Variants in SH3D19 observed in about 807,000 individuals in gnomAD.
SH3D19 encodes the protein SH3 domain containing 19.
A neutral mutation model predicts 112.1 loss-of-function variants in SH3D19; 58 were observed. The ratio of observed to expected loss-of-function variants is 0.52; its 90% CI spans 0.42 to 0.64. The LOEUF (loss-of-function observed/expected upper bound fraction) is 0.64, where lower values mean the gene tolerates loss of function less well. Among genes scored for constraint, SH3D19 ranks in the 30% least tolerant of loss-of-function variants. The pLI, the probability that SH3D19 is intolerant of heterozygous loss-of-function variation, is 0.00. For synonymous variants in SH3D19, 391 were observed against 448.5 expected, an observed-to-expected ratio of 0.87 and a Z score of 1.62; for missense variants, 1,090 against 1,263.4, an observed-to-expected ratio of 0.86 and a Z score of 2.08.
At position 151,176,681 on chromosome 4, in the gene SH3D19, G is replaced by A; in HGVS notation, c.382C>T (p.Pro128Ser). 8.1e-7 allele frequency: 1 copy of A among 1,231,992 alleles called. No individual in the cohort carries two copies. The highest frequency in any genetic ancestry group is 1.0e-6 in the Non-Finnish European group (1 of 987,838). The allele number at this position is 1,231,992 out of a possible 1,614,324, so 76.3% of individuals were successfully genotyped here. Residue 128 changes from proline to serine, a missense_variant, in exon 6 of 20, where the codon CCA (proline) becomes TCA (serine). Transcript: ENST00000604030. ...TCTTTTATAACTTGTTCATAAGATGGTGGGAGCTGAAAAGTAAAGAATGAA... is the reference window on the plus strand; with the variant it reads ...TCTTTTATAACTTGTTCATAAGATGATGGGAGCTGAAAAGTAAAGAATGAA... ...PNELVPAELP[P>S]SYEQVIKEIN...
At position 151,121,613 on chromosome 4, in the gene SH3D19, A is replaced by T. The variant is rs554479615; in HGVS notation, c.*478T>A. 3.9e-5 allele frequency: 6 copies of T among 152,580 alleles called. No homozygotes were observed. The highest frequency in any genetic ancestry group is 1.4e-4 in the African/African-American group (6 of 41,594). The allele number at this position is 152,580 out of a possible 1,614,324, so 9.5% of individuals were successfully genotyped here. On this transcript the variant is annotated 3_prime_UTR_variant, in exon 20 of 20. Transcript: ENST00000604030. The stretch of plus-strand genomic sequence containing the variant: ...AGGATTTGCTCTGGTAATAAGGCTG[A>T]TATGCTCAAGCTGTAAGAATTAATT...
intron 1 of SH3D19, among the ~76,000 whole-genome samples, chr4:151,302,550 T>C (rs893141601): frequency 6.6e-6 from 1 of 152,162 alleles, no homozygotes; most frequent in Admixed American, 6.5e-5. Context: ...AAGAGTGAGA[T>C]AGTAAGTATT....
intron 2 of SH3D19, among the ~76,000 whole-genome samples, chr4:151,197,157 G>A (rs1763595587): frequency 6.6e-6 from 1 of 151,906 alleles, no homozygotes; most frequent in Non-Finnish European, 1.5e-5. Context: ...ATCTACCTAG[G>A]TATCACACAC....
At chr4:151,243,965 G>A (rs1169554870) in intron 1 of SH3D19, among the ~76,000 whole-genome samples, 1 of 152,140 alleles carries the variant, frequency 6.6e-6, no homozygotes, top group Non-Finnish European at 1.5e-5. Context: ...AAAAAATTCC[G>A]TGGACCTTGA....
chr4:151,251,417 C>T (rs1200007061), intron 1 of SH3D19, among the ~76,000 whole-genome samples: 1 of 152,084 alleles, frequency 6.6e-6, no homozygotes, highest in African/African-American at 2.4e-5. Flanking sequence ...TCAGGCTGGT[C>T]TCGAACTCCT....
At chr4:151,229,845 A>C (rs967420542) in intron 1 of SH3D19, among the ~76,000 whole-genome samples, 1 of 152,120 alleles carries the variant, frequency 6.6e-6, no homozygotes, top group African/African-American at 2.4e-5. Flanking sequence ...AGCTCGGGAG[A>C]TGAAGGGTGC....
At chr4:151,165,747 A>C in intron 7 of SH3D19, 51 bp from the exon 8 acceptor site, 1 of 1,454,964 alleles carries the variant, frequency 6.9e-7, no homozygotes, top group Middle Eastern at 1.7e-4. Flanking sequence ...ATGGACTGAA[A>C]CAAAAAACCT....
intron 1 of SH3D19, among the ~76,000 whole-genome samples, chr4:151,298,325 C>T (rs1462164861): frequency 6.6e-6 from 1 of 151,706 alleles, no homozygotes; most frequent in African/African-American, 2.4e-5. Flanking sequence ...CTACAGGCAC[C>T]CGCCGCCATG....
chr4:151,292,660 C>T (rs1248741119), intron 1 of SH3D19, among the ~76,000 whole-genome samples: 1 of 152,182 alleles, frequency 6.6e-6, no homozygotes, highest in African/African-American at 2.4e-5. Context: ...ATTATCTTCA[C>T]CACAGATTTT....
intron 1 of SH3D19, among the ~76,000 whole-genome samples, chr4:151,285,897 A>C (rs1244864336): frequency 6.6e-6 from 1 of 151,902 alleles, no homozygotes; most frequent in Non-Finnish European, 1.5e-5. Flanking sequence ...ATATACATAA[A>C]TAAAACTAAA....
At chr4:151,150,319 A>G (rs995215047) in intron 9 of SH3D19, among the ~76,000 whole-genome samples, 6 of 142,966 alleles carry the variant, frequency 4.2e-5, no homozygotes, top group African/African-American at 1.6e-4. Flanking sequence ...ACATATATAT[A>G]TACATATATA....
intron 17 of SH3D19, among the ~76,000 whole-genome samples, chr4:151,130,796 G>A (rs1257659575): frequency 6.6e-6 from 1 of 151,836 alleles, no homozygotes; most frequent in African/African-American, 2.4e-5. Context: ...AAAAATTAGC[G>A]AAGCACAGTG....
At chr4:151,271,223 G>C (rs946227536) in intron 1 of SH3D19, among the ~76,000 whole-genome samples, 1 of 152,144 alleles carries the variant, frequency 6.6e-6, no homozygotes, top group Non-Finnish European at 1.5e-5. Context: ...ACTATGCGTG[G>C]CCTCAGATAT....
chr4:151,236,647 T>A (rs1770077301), intron 1 of SH3D19, among the ~76,000 whole-genome samples: 1 of 152,146 alleles, frequency 6.6e-6, no homozygotes, highest in Non-Finnish European at 1.5e-5. Flanking sequence ...CTTTTGTGTC[T>A]AGCTAAAGGA....
At chr4:151,176,449 T>C in intron 6 of SH3D19, 85 bp downstream of exon 6, 6 of 1,114,906 alleles carry the variant, frequency 5.4e-6, no homozygotes, top group Non-Finnish European at 6.8e-6. Flanking sequence ...ATGCACAAAT[T>C]GCAAATTATT....
In SH3D19 at chr4:151,120,301, G is replaced by C. The variant is rs533965152; in HGVS notation, c.*1790C>G. On this transcript the variant is annotated 3_prime_UTR_variant, in exon 20 of 20. Coordinates refer to ENST00000604030, the MANE Select transcript of SH3D19 (RefSeq NM_001378122.1). Reference sequence around the variant, plus strand: ...AAAGGGACTTTGAAAGTTCAGTTCAGTTTATTACAGTGTCAAGTAGATTTA... The same window carrying C: ...AAAGGGACTTTGAAAGTTCAGTTCACTTTATTACAGTGTCAAGTAGATTTA... The C allele has an allele frequency of 6.6e-6, 1 of 152,190 alleles. No homozygotes were observed. Among genetic ancestry groups the C allele is most frequent in the South Asian group, 2.1e-4 (1 of 4,800 alleles). 9.4% of individuals were successfully genotyped at this position (152,190 alleles called of 1,614,324 possible). A position where few individuals can be genotyped will look rare whatever the true frequency, so the allele number is the denominator to read the frequency against.
chr4:151,174,564 T>A (rs1759610054), intron 7 of SH3D19, 106 bp downstream of exon 7: 12 of 1,035,250 alleles, frequency 1.2e-5, no homozygotes, highest in East Asian at 2.5e-5. Context: ...CATACTTGTA[T>A]ACACACACCT....
intron 1 of SH3D19, among the ~76,000 whole-genome samples, chr4:151,248,160 T>G (rs1051832858): frequency 2.6e-5 from 4 of 152,184 alleles, no homozygotes; most frequent in Admixed American, 2.6e-4. Context: ...GATGGGATCT[T>G]GCTATGTTGC....
At position 151,162,266 on chromosome 4, in the gene SH3D19, T is replaced by C. The variant is rs185317410; in HGVS notation, c.1643-2914A>G. On this transcript the variant is annotated intron_variant, in intron 8 of 19. Transcript: ENST00000604030. Reference sequence around the variant, plus strand: ...CATGCAGTGTTTAGTTCTGTTCCTGTGTTAGCATGCTGAGAATGATGGCTT... The same window carrying C: ...CATGCAGTGTTTAGTTCTGTTCCTGCGTTAGCATGCTGAGAATGATGGCTT... Among the ~76,000 whole-genome samples, 7 of 152,180 alleles carry C rather than the reference T, an allele frequency of 4.6e-5. No homozygotes were observed. In the East Asian group the frequency reaches 1.4e-3, roughly 29 times the overall value.
Sources: allele counts gnomAD v4.1 joint callset (sites outside exome capture counted in the v4.1 genomes callset), GRCh38; gene constraint gnomAD v4.1.1; transcripts MANE v1.5; gene names NCBI Gene and HGNC (gene_info 2026-07-23, HGNC 2026-07-21).